The following CIST1 variants were observed in gnomAD, a reference collection of about 807,000 sequenced individuals.
CIST1 encodes uncharacterized LOC729966.
the CIST1 span, among the ~76,000 whole-genome samples, chr19:18,252,980 T>C: frequency 6.6e-6 from 1 of 152,194 alleles, no homozygotes; most frequent in Admixed American, 6.6e-5. Flanking sequence ...TAGGACACCA[T>C]GTGAGCTCTC....
chr19:18,250,519 G>A, the CIST1 span: 5 of 396,466 alleles, frequency 1.3e-5, no homozygotes, highest in African/African-American at 6.4e-5. Context: ...TTCCCCACAA[G>A]CCTAAGACAC....
chr19:18,254,611 G>T, the CIST1 span, among the ~76,000 whole-genome samples: 1 of 152,274 alleles, frequency 6.6e-6, no homozygotes, highest in Non-Finnish European at 1.5e-5. Context: ...ACCCTTCCCT[G>T]CAATGAGCAT....
At chr19:18,250,171 C>T in the CIST1 span, 9 of 398,600 alleles carry the variant, frequency 2.3e-5, no homozygotes, top group East Asian at 1.1e-4. Context: ...CTGTCATTCA[C>T]GGATCCCTGA....
the CIST1 span, chr19:18,252,422 C>T: frequency 2.5e-6 from 1 of 399,020 alleles, no homozygotes; most frequent in East Asian, 3.6e-5. Flanking sequence ...GAGAAGAAAT[C>T]AGAGAGCTGA....
chr19:18,250,420 C>T, the CIST1 span: 10 of 398,990 alleles, frequency 2.5e-5, no homozygotes, highest in Non-Finnish European at 4.0e-5. Flanking sequence ...AACACACGAC[C>T]ACCACCACAC....
the CIST1 span, chr19:18,251,978 G>T: frequency 1.0e-5 from 4 of 397,980 alleles, no homozygotes; most frequent in Non-Finnish European, 1.8e-5. Context: ...TCTCGGGGCT[G>T]TACCTCCCCC....
the CIST1 span, chr19:18,252,186 G>C: frequency 2.5e-6 from 1 of 399,170 alleles, no homozygotes; most frequent in East Asian, 3.6e-5. Flanking sequence ...ATGGGAAGAG[G>C]GGGTGAGCTC....
the CIST1 span, among the ~76,000 whole-genome samples, chr19:18,254,249 T>C: frequency 6.6e-6 from 1 of 152,116 alleles, no homozygotes; most frequent in Non-Finnish European, 1.5e-5. Flanking sequence ...GAAATGAAGA[T>C]GATTCAGAGG....
chr19:18,252,497 G>A, the CIST1 span: 9 of 391,536 alleles, frequency 2.3e-5, no homozygotes, highest in Admixed American at 2.7e-4. Flanking sequence ...GGGCGCGGTG[G>A]CTCACGCCTG....
the CIST1 span, among the ~76,000 whole-genome samples, chr19:18,250,808 C>T: frequency 1.4e-5 from 2 of 148,026 alleles, no homozygotes; most frequent in African/African-American, 5.0e-5. Context: ...GGGTCTTGCT[C>T]TGTCACACAG....
At chr19:18,250,460 G>A in the CIST1 span, 2 of 399,100 alleles carry the variant, frequency 5.0e-6, no homozygotes, top group South Asian at 2.5e-4. Context: ...ACGGGGCCCA[G>A]TGTCACCTGG....
the CIST1 span, among the ~76,000 whole-genome samples, chr19:18,254,698 T>G: frequency 1.2e-4 from 18 of 152,124 alleles, no homozygotes. Context: ...AGTGACAACA[T>G]AGTGGCAGGT....
the CIST1 span, among the ~76,000 whole-genome samples, chr19:18,253,787 C>T: frequency 6.6e-6 from 1 of 152,196 alleles, no homozygotes; most frequent in South Asian, 2.1e-4. Context: ...CATCCCATCC[C>T]AGGCATGGAG....
chr19:18,250,031 G>T, the CIST1 span: 1 of 398,568 alleles, frequency 2.5e-6, no homozygotes. Context: ...TTCACACGAG[G>T]CCTTGGATGA....
At chr19:18,252,415 A>G in the CIST1 span, 2 of 398,940 alleles carry the variant, frequency 5.0e-6, no homozygotes, top group Non-Finnish European at 8.8e-6. Context: ...GCGAAGGGAG[A>G]AGAAATCAGA....
chr19:18,255,268 G>T, the CIST1 span: 1 of 399,258 alleles, frequency 2.5e-6, no homozygotes, highest in Non-Finnish European at 4.4e-6. This position sits in a 1 kb window ranked among gnomAD's most constrained non-coding sequence, Gnocchi z 4.6. Flanking sequence ...AGCACCACCA[G>T]CACCAAAAGC....
At chr19:18,252,201 C>G in the CIST1 span, 1 of 398,998 alleles carries the variant, frequency 2.5e-6, no homozygotes, top group South Asian at 1.3e-4. Context: ...GAGCTCTGCA[C>G]TGGGGGAGCC....
the CIST1 span, among the ~76,000 whole-genome samples, chr19:18,253,092 G>A: frequency 6.6e-6 from 1 of 152,208 alleles, no homozygotes. Context: ...TTGGCTGAGA[G>A]CTCTAGAAGC....
chr19:18,255,322 G>C, the CIST1 span: 1 of 398,968 alleles, frequency 2.5e-6, no homozygotes. This position sits in a 1 kb window ranked among gnomAD's most constrained non-coding sequence, Gnocchi z 4.6. Context: ...GCGCCGGGAG[G>C]GCCTGCCACC....
Sources: gnomAD v4.1 joint callset for allele counts (sites outside exome capture counted in the v4.1 genomes callset) on GRCh38, gnomAD v4.1.1 for gene constraint, Gnocchi (gnomAD v3.1) non-coding constraint, MANE v1.5 for transcripts, NCBI Gene and HGNC (gene_info 2026-07-23, HGNC 2026-07-21) for gene names.